Variants in WWTR1 observed in about 807,000 individuals in gnomAD.
The protein encoded by WWTR1 is WW domain-containing transcription regulator protein 1.
Under a neutral mutation model 40.1 loss-of-function variants are expected in WWTR1, and 13 were observed. The observed-to-expected ratio is 0.32, with a 90% confidence interval of 0.21 to 0.52. WWTR1 has a LOEUF of 0.52. Among genes scored for constraint, WWTR1 ranks in the 20% least tolerant of loss-of-function variants. The probability of loss-of-function intolerance (pLI) is 0.97; values close to 1 mark genes in which losing one functional copy is unlikely to be tolerated. For missense variants in WWTR1, 436 were observed against 523.1 expected (o/e 0.83, Z 1.63); for synonymous variants, 230 against 210.1 (o/e 1.09, Z -0.82).
At chr3:149,681,879 T>C (rs554462726) in intron 1 of WWTR1, among the ~76,000 whole-genome samples, 9 of 152,260 alleles carry the variant, frequency 5.9e-5, no homozygotes, top group African/African-American at 2.2e-4. Flanking sequence ...GTCAAATTTA[T>C]AGAAGCAGAA....
In WWTR1 at chr3:149,572,849, A is replaced by T. The variant is rs1737704425; in HGVS notation, c.568+15T>A. 1 of 1,611,868 alleles carries T rather than the reference A, an allele frequency of 6.2e-7. No homozygotes were observed. On this transcript the variant is annotated intron_variant, in intron 3 of 6. Coordinates refer to ENST00000360632, the MANE Select transcript of WWTR1 (RefSeq NM_015472.6). ...AAAAATATCTTTTTTAATTTTAAAA[A>T]AGCTTGAGGCTTACCGAGATTTGGC... is the stretch of plus-strand genomic sequence containing the variant.
chr3:149,624,301 T>C (rs537755081), intron 2 of WWTR1, among the ~76,000 whole-genome samples: 2 of 152,296 alleles, frequency 1.3e-5, no homozygotes, highest in South Asian at 4.1e-4. Flanking sequence ...TTCCTGCCAA[T>C]GGAGAAGGCA....
At chr3:149,628,535 A>G (rs1028767676) in intron 2 of WWTR1, among the ~76,000 whole-genome samples, 5 of 152,198 alleles carry the variant, frequency 3.3e-5, no homozygotes, top group African/African-American at 1.2e-4. Context: ...TGACAGGCTA[A>G]TTCTTGCCCC....
chr3:149,552,030 C>T lies in WWTR1; in HGVS notation c.569-9493G>A, dbSNP rs1324652078. Reference sequence around the variant, plus strand: ...TTTATTTTATGACTGCATTATATCACCCATAAACATGCACTTGGTTAAATG... The same window carrying T: ...TTTATTTTATGACTGCATTATATCATCCATAAACATGCACTTGGTTAAATG... On this transcript the variant is annotated intron_variant, in intron 3 of 6. Transcript: ENST00000360632. Among the ~76,000 whole-genome samples the T allele has an allele frequency of 4.1e-5, 6 of 145,940 alleles. 1 individual carries two copies. Among genetic ancestry groups the T allele is most frequent in the Non-Finnish European group, 9.0e-5 (6 of 66,446 alleles).
At chr3:149,540,123 CAG>C in intron 4 of WWTR1, 3 of 429,294 alleles carry the variant, frequency 7.0e-6, no homozygotes, top group South Asian at 1.7e-5. Context: ...CACACACACA[CAG>C]AGTCAAGGCT....
chr3:149,667,315 G>A (rs570865720), intron 2 of WWTR1, among the ~76,000 whole-genome samples: 2 of 98,098 alleles, frequency 2.0e-5, no homozygotes, highest in South Asian at 2.7e-4. Flanking sequence ...GGGAGGCTGA[G>A]GGGGGGTGGA....
intron 4 of WWTR1, among the ~76,000 whole-genome samples, chr3:149,540,693 C>T (rs545892543): frequency 7.2e-5 from 11 of 152,178 alleles, no homozygotes; most frequent in Admixed American, 2.6e-4. Context: ...TATAAACAAC[C>T]GTTAGCCTGA....
chr3:149,688,838 G>A (rs531513066), intron 1 of WWTR1, among the ~76,000 whole-genome samples: 4 of 152,146 alleles, frequency 2.6e-5, no homozygotes, highest in South Asian at 2.1e-4. Context: ...CGAGACATGC[G>A]ACCTTTTAGA....
chr3:149,623,901 T>C (rs552435287), intron 2 of WWTR1, among the ~76,000 whole-genome samples: 1 of 152,324 alleles, frequency 6.6e-6, no homozygotes, highest in South Asian at 2.1e-4. Context: ...TTTGGCAATG[T>C]TGTGCTCTCT....
intron 3 of WWTR1, among the ~76,000 whole-genome samples, chr3:149,551,447 A>G (rs577804222): frequency 6.8e-6 from 1 of 146,282 alleles, no homozygotes; most frequent in African/African-American, 2.6e-5. Flanking sequence ...TCCTTGGAAC[A>G]AGTGTTTAAT....
chr3:149,656,739 G>T, intron 2 of WWTR1, 137 bp downstream of exon 2: 1 of 883,572 alleles, frequency 1.1e-6, no homozygotes, highest in Non-Finnish European at 1.6e-6. Flanking sequence ...AAATAACCGT[G>T]GAAGGACACG....
At chr3:149,594,990 T>C (rs538665093) in intron 2 of WWTR1, among the ~76,000 whole-genome samples, 3 of 116,856 alleles carry the variant, frequency 2.6e-5, no homozygotes, top group African/African-American at 1.0e-4. Flanking sequence ...TGAGACGGAG[T>C]GTCGCTCTGT....
At chr3:149,605,232 T>G (rs1017796921) in intron 2 of WWTR1, among the ~76,000 whole-genome samples, 4 of 152,128 alleles carry the variant, frequency 2.6e-5, no homozygotes, top group African/African-American at 9.7e-5. Context: ...AATTAAGACA[T>G]CTGTCTTTTT....
At chr3:149,536,047 T>C (rs1252934243) in intron 4 of WWTR1, among the ~76,000 whole-genome samples, 1 of 152,002 alleles carries the variant, frequency 6.6e-6, no homozygotes, top group East Asian at 1.9e-4. Context: ...AAGACTTGAA[T>C]TGATACTATT....
At chr3:149,620,635 C>T (rs1740226697) in intron 2 of WWTR1, among the ~76,000 whole-genome samples, 1 of 150,242 alleles carries the variant, frequency 6.7e-6, no homozygotes, top group Non-Finnish European at 1.5e-5. Flanking sequence ...ATCTTATCTA[C>T]TCCACATGAC....
chr3:149,664,059 C>A (rs1713702136), intron 2 of WWTR1, among the ~76,000 whole-genome samples: 1 of 152,220 alleles, frequency 6.6e-6, no homozygotes, highest in Non-Finnish European at 1.5e-5. Context: ...CTCAGCCCTA[C>A]CTCCGGGTTG....
intron 3 of WWTR1, among the ~76,000 whole-genome samples, chr3:149,566,487 A>C (rs980638130): frequency 2.3e-4 from 35 of 152,202 alleles, no homozygotes; most frequent in Non-Finnish European, 4.0e-4. Context: ...TTCCAAAAGC[A>C]GTGAGAACAT....
chr3:149,690,601 C>A (rs1714792339), intron 1 of WWTR1, among the ~76,000 whole-genome samples: 2 of 152,238 alleles, frequency 1.3e-5, no homozygotes, highest in African/African-American at 4.8e-5. Context: ...AACAATGGAG[C>A]ATCCAGATAT....
At chr3:149,524,974 CT>C (rs1735229017) in intron 6 of WWTR1, among the ~76,000 whole-genome samples, 1 of 152,170 alleles carries the variant, frequency 6.6e-6, no homozygotes, top group Admixed American at 6.5e-5. Context: ...GAGTTTATGA[CT>C]TTCATAATTA....
Sources: gnomAD v4.1 joint callset for allele counts (sites outside exome capture counted in the v4.1 genomes callset) on GRCh38, gnomAD v4.1.1 for gene constraint, MANE v1.5 for transcripts, NCBI Gene and HGNC (gene_info 2026-07-23, HGNC 2026-07-21) for gene names.